The following CTNNA3 variants were observed in gnomAD, a reference collection of about 807,000 sequenced individuals.
CTNNA3 encodes the protein catenin alpha 3.
In CTNNA3, 76 loss-of-function variants were observed where a neutral mutation model predicts 95.7. That is an observed-to-expected ratio of 0.79 (90% CI 0.66 to 0.96). The LOEUF (loss-of-function observed/expected upper bound fraction) is 0.96, where lower values mean the gene tolerates loss of function less well. CTNNA3 is among the 40% of genes least tolerant of loss of function. The pLI is 0.00. For synonymous variants in CTNNA3, 431 were observed against 374.4 expected (o/e 1.15, Z -1.74); for missense variants, 1,191 against 1,089.8 (o/e 1.09, Z -1.31).
Position 67,199,140 on chromosome 10 carries a change from C to CA in CTNNA3, c.844-18621dup, listed in dbSNP as rs552892242. Among the ~76,000 whole-genome samples, 235 of 151,732 alleles carry CA rather than the reference C, an allele frequency of 1.5e-3. 3 individuals carry two copies. The highest frequency in any genetic ancestry group is 5.4e-3 in the African/African-American group (224 of 41,386). ...GGAACTGGGAAAAGAGAGAAAGTGACAAAAAAAGAAAGTGAAAGTAAAGAA... is the reference window on the plus strand; with the variant it reads ...GGAACTGGGAAAAGAGAGAAAGTGACAAAAAAAAGAAAGTGAAAGTAAAGAA... On this transcript the variant is annotated intron_variant, in intron 6 of 17. Coordinates refer to ENST00000433211, the MANE Select transcript of CTNNA3 (RefSeq NM_013266.4).
rs557801492 is a variant in CTNNA3 at position 66,483,349 on chromosome 10, T to C, written c.1531+37268A>G. 1.4e-4 allele frequency among the ~76,000 whole-genome samples: 21 copies of C among 147,630 alleles called. No individual in the cohort carries two copies. In the South Asian group the frequency reaches 3.8e-3, roughly 27 times the overall value. Reference sequence around the variant, plus strand: ...AGCATCGCACCCAACACAGATGAAGTGGCCAAGAAAACTTGGCTTTTTTTT... The same window carrying C: ...AGCATCGCACCCAACACAGATGAAGCGGCCAAGAAAACTTGGCTTTTTTTT... On this transcript the variant is annotated intron_variant, in intron 11 of 17. Transcript: ENST00000433211.
chr10:66,453,705 G>A (rs1441817414), intron 11 of CTNNA3, among the ~76,000 whole-genome samples: 1 of 152,138 alleles, frequency 6.6e-6, no homozygotes, highest in East Asian at 1.9e-4. Context: ...AAATTGAACT[G>A]ACATTGGAAC....
At chr10:65,991,125 C>T (rs1285128335) in intron 15 of CTNNA3, among the ~76,000 whole-genome samples, 4 of 151,610 alleles carry the variant, frequency 2.6e-5, no homozygotes, top group Non-Finnish European at 4.4e-5. Context: ...TATTTTTACG[C>T]TCATACAATG....
At chr10:66,471,953 T>C (rs1345448536) in intron 11 of CTNNA3, among the ~76,000 whole-genome samples, 1 of 152,014 alleles carries the variant, frequency 6.6e-6, no homozygotes, top group East Asian at 1.9e-4. Flanking sequence ...GGGTTAGACT[T>C]TTGTTTCTTG....
At chr10:66,080,671 T>C (rs1036819057) in intron 14 of CTNNA3, among the ~76,000 whole-genome samples, 1 of 152,136 alleles carries the variant, frequency 6.6e-6, no homozygotes, top group Admixed American at 6.6e-5. Flanking sequence ...AAAATTTTAT[T>C]CAATACTGCT....
chr10:67,485,424 T>C (rs1802166650), intron 5 of CTNNA3, among the ~76,000 whole-genome samples: 1 of 152,146 alleles, frequency 6.6e-6, no homozygotes, highest in Non-Finnish European at 1.5e-5. Context: ...AGGATGAATC[T>C]TAGCCCAAAC....
intron 12 of CTNNA3, among the ~76,000 whole-genome samples, chr10:66,343,268 T>G (rs901712201): frequency 1.3e-5 from 2 of 152,094 alleles, no homozygotes; most frequent in South Asian, 4.1e-4. Context: ...AAGAGACACC[T>G]GCACTCTCAT....
intron 5 of CTNNA3, among the ~76,000 whole-genome samples, chr10:67,333,930 AT>A (rs1841889445): frequency 6.6e-6 from 1 of 152,224 alleles, no homozygotes; most frequent in South Asian, 2.1e-4. Context: ...GTCATGGGTG[AT>A]TTGCTAAGTC....
intron 7 of CTNNA3, among the ~76,000 whole-genome samples, chr10:66,832,961 C>T (rs1213426584): frequency 2.6e-5 from 4 of 152,146 alleles, no homozygotes. Context: ...CACCTAAAAA[C>T]CCCAGATGGT....
chr10:67,647,413 A>G lies in CTNNA3; in HGVS notation c.99+2T>C. On this transcript the variant is annotated splice_donor_variant, in intron 2 of 17. Coordinates refer to ENST00000433211, the MANE Select transcript of CTNNA3 (RefSeq NM_013266.4). LOFTEE classifies it high-confidence loss of function. ...ATATCATAATTTCCATGGTATTAAT[A>G]CCTGGATTATGAGAGGCTCCAGTAG... The G allele has an allele frequency of 6.2e-7, 1 of 1,607,716 alleles. No homozygotes were observed. The highest frequency in any genetic ancestry group is 1.7e-5 in the Admixed American group (1 of 59,896).
chr10:66,286,369 T>A (rs1564839905), intron 12 of CTNNA3, among the ~76,000 whole-genome samples: 1 of 152,060 alleles, frequency 6.6e-6, no homozygotes, highest in South Asian at 2.1e-4. Flanking sequence ...GGGATTACTT[T>A]GATTTTTTAA....
At chr10:67,149,430 A>G (rs1156749055) in intron 7 of CTNNA3, among the ~76,000 whole-genome samples, 1 of 151,918 alleles carries the variant, frequency 6.6e-6, no homozygotes, top group African/African-American at 2.4e-5. Context: ...CTAAAAATAC[A>G]AAAAATTAGC....
chr10:66,079,424 T>A (rs1276144784), intron 14 of CTNNA3: 2 of 152,010 alleles, frequency 1.3e-5, no homozygotes, highest in Non-Finnish European at 2.9e-5. Context: ...GTATAACAAC[T>A]AAAGTAAGAT....
chr10:66,962,186 T>A (rs1849147053), intron 7 of CTNNA3, among the ~76,000 whole-genome samples: 1 of 152,126 alleles, frequency 6.6e-6, no homozygotes, highest in Non-Finnish European at 1.5e-5. Context: ...CATTTCCTCA[T>A]CATGAAAGGC....
At chr10:67,072,909 C>T (rs902301154) in intron 7 of CTNNA3, among the ~76,000 whole-genome samples, 2 of 47,496 alleles carry the variant, frequency 4.2e-5, no homozygotes, top group African/African-American at 3.1e-4. Flanking sequence ...CCTATGCAGC[C>T]TCAAAACACA....
At chr10:66,953,498 A>G (rs1848641417) in intron 7 of CTNNA3, among the ~76,000 whole-genome samples, 4 of 152,186 alleles carry the variant, frequency 2.6e-5, no homozygotes, top group African/African-American at 7.2e-5. Context: ...AGAATAAGTC[A>G]TACCATCATG....
At chr10:66,107,364 T>G (rs2133763382) in intron 13 of CTNNA3, among the ~76,000 whole-genome samples, 1 of 152,278 alleles carries the variant, frequency 6.6e-6, no homozygotes, top group African/African-American at 2.4e-5. Flanking sequence ...CTACCTAATT[T>G]TTAGGGTTAT....
intron 5 of CTNNA3, among the ~76,000 whole-genome samples, chr10:67,445,384 C>T (rs777115179): frequency 6.7e-6 from 1 of 150,052 alleles, no homozygotes; most frequent in East Asian, 2.1e-4. Flanking sequence ...TGTAGAGGAG[C>T]TAAATGCATT....
At chr10:66,076,336 T>G (rs1185882217) in intron 14 of CTNNA3, among the ~76,000 whole-genome samples, 1 of 151,702 alleles carries the variant, frequency 6.6e-6, no homozygotes, top group Non-Finnish European at 1.5e-5. Flanking sequence ...ATTAAAATTT[T>G]GAGAACAAAT....
Sources: gnomAD v4.1 joint callset for allele counts (sites outside exome capture counted in the v4.1 genomes callset) on GRCh38, gnomAD v4.1.1 for gene constraint, MANE v1.5 for transcripts, NCBI Gene and HGNC (gene_info 2026-07-23, HGNC 2026-07-21) for gene names.